CHSY3: variants seen among roughly 807,000 people sequenced by gnomAD.
CHSY3 encodes chondroitin sulfate synthase 3.
A neutral mutation model predicts 67.2 loss-of-function variants in CHSY3; 35 were observed. The ratio of observed to expected loss-of-function variants is 0.52; its 90% CI spans 0.40 to 0.69. CHSY3 has a LOEUF of 0.69. Ranked by LOEUF, CHSY3 falls within the 30% of genes least tolerant of loss-of-function variation. CHSY3 has a pLI of 0.00. For missense variants in CHSY3, 1,069 were observed against 1,138.5 expected (o/e 0.94, Z 0.88); for synonymous variants, 474 against 434.7 (o/e 1.09, Z -1.12).
At chr5:130,174,861 G>A (rs143038973) in intron 2 of CHSY3, among the ~76,000 whole-genome samples, 368 of 152,232 alleles carry the variant, frequency 2.4e-3, no homozygotes, top group Non-Finnish European at 4.4e-3. Flanking sequence ...AAGTTTTAGA[G>A]CCTGGCTCCA....
chr5:130,045,263 A>T (rs551567439), intron 2 of CHSY3, among the ~76,000 whole-genome samples: 1 of 152,276 alleles, frequency 6.6e-6, no homozygotes, highest in East Asian at 1.9e-4. Flanking sequence ...AAGAAAATTT[A>T]AAAAGCACTC....
chr5:130,104,676 G>A (rs184483112), intron 2 of CHSY3, among the ~76,000 whole-genome samples: 47 of 151,750 alleles, frequency 3.1e-4, no homozygotes, highest in Non-Finnish European at 5.3e-4. Context: ...GACAAGTAGC[G>A]TAAGGCCTGT....
chr5:130,097,788 G>C (rs1450332193), intron 2 of CHSY3, among the ~76,000 whole-genome samples: 3 of 152,174 alleles, frequency 2.0e-5, no homozygotes, highest in Non-Finnish European at 4.4e-5. Context: ...CGGATCACAA[G>C]GTCAGGAAAT....
chr5:130,127,169 C>G (rs60127801), intron 2 of CHSY3, among the ~76,000 whole-genome samples: 29,417 of 152,014 alleles, frequency 0.19, 3,583 homozygotes, highest in African/African-American at 0.32. Context: ...CGTAACATGA[C>G]TTAGTGTAGA....
intron 2 of CHSY3, among the ~76,000 whole-genome samples, chr5:129,966,272 A>G (rs1161776140): frequency 6.6e-6 from 1 of 151,882 alleles, no homozygotes; most frequent in Non-Finnish European, 1.5e-5. Flanking sequence ...CTTGTGCATA[A>G]CAGGAACTCA....
At chr5:129,912,721 C>T (rs1418765324) in intron 2 of CHSY3, among the ~76,000 whole-genome samples, 1 of 152,170 alleles carries the variant, frequency 6.6e-6, no homozygotes, top group Non-Finnish European at 1.5e-5. Flanking sequence ...CAGTAGATCA[C>T]AGTTAGGCCT....
intron 2 of CHSY3, among the ~76,000 whole-genome samples, chr5:129,932,900 T>C (rs1293638141): frequency 6.6e-6 from 1 of 152,138 alleles, no homozygotes; most frequent in Non-Finnish European, 1.5e-5. Context: ...TAAAGGAATG[T>C]TGACTGGCCT....
chr5:130,029,903 A>G (rs1016530657), intron 2 of CHSY3, among the ~76,000 whole-genome samples: 17 of 152,206 alleles, frequency 1.1e-4, no homozygotes, highest in Non-Finnish European at 1.6e-4. Flanking sequence ...ATTCAACAAC[A>G]TGTCAAATTG....
chr5:130,153,801 A>G (rs1408981595), intron 2 of CHSY3, among the ~76,000 whole-genome samples: 1 of 151,902 alleles, frequency 6.6e-6, no homozygotes, highest in Non-Finnish European at 1.5e-5. Flanking sequence ...TTCATTGTTC[A>G]TTTAGTTTTT....
In CHSY3 at chr5:130,084,294, T is replaced by A. The variant is rs537422873; in HGVS notation, c.1087-99935T>A. On this transcript the variant is annotated intron_variant, in intron 2 of 2. Coordinates refer to ENST00000305031, the MANE Select transcript of CHSY3 (RefSeq NM_175856.5). ...GCTACTAATAATGCATATTTCAAAA[T>A]AACTAAAACAGAAGATTTTAAATTT... Among the ~76,000 whole-genome samples the A allele has an allele frequency of 5.9e-5, 9 of 152,128 alleles. No homozygotes were observed. In the East Asian group the frequency reaches 1.7e-3, roughly 30 times the overall value.
At chr5:130,129,910 A>C (rs1013804698) in intron 2 of CHSY3, among the ~76,000 whole-genome samples, 2 of 152,182 alleles carry the variant, frequency 1.3e-5, no homozygotes, top group Admixed American at 6.5e-5. Flanking sequence ...TATTCATAAA[A>C]TGTAACATTT....
chr5:130,076,840 C>G (rs1426653866), intron 2 of CHSY3, among the ~76,000 whole-genome samples: 1 of 150,958 alleles, frequency 6.6e-6, no homozygotes, highest in Non-Finnish European at 1.5e-5. Flanking sequence ...AGTAAACTAT[C>G]GCAAGAACAA....
chr5:129,970,460 A>G (rs925742584), intron 2 of CHSY3, among the ~76,000 whole-genome samples: 2 of 151,708 alleles, frequency 1.3e-5, no homozygotes, highest in African/African-American at 4.8e-5. Flanking sequence ...ACAGACAGAA[A>G]GTGCTTTTGA....
At chr5:130,077,896 A>G (rs1766324378) in intron 2 of CHSY3, among the ~76,000 whole-genome samples, 1 of 152,058 alleles carries the variant, frequency 6.6e-6, no homozygotes, top group Admixed American at 6.6e-5. Context: ...TTATATAACA[A>G]ATAGAAATCT....
intron 2 of CHSY3, among the ~76,000 whole-genome samples, chr5:130,110,737 A>G (rs936847226): frequency 1.3e-5 from 2 of 151,934 alleles, no homozygotes; most frequent in Non-Finnish European, 2.9e-5. Context: ...TTTATATTTC[A>G]TTAACTTGGG....
chr5:129,905,135 C>T lies in CHSY3; in HGVS notation c.306C>T (p.Pro102=), dbSNP rs1464885171. The T allele has an allele frequency of 4.6e-6, 7 of 1,533,972 alleles. No individual in the cohort carries two copies. Among genetic ancestry groups the T allele is most frequent in the Non-Finnish European group, 6.1e-6 (7 of 1,146,338 alleles). ...GGATCACCAGTTTTCGAAGCAGCCC[C>T]TGGCAGCAGCCACCTCCGCTGCAGC... ...APGITSFRSS[P]WQQPPPLQQR... Residue 102 remains proline (P), a synonymous_variant, in exon 1 of 3, where the codon CCC becomes CCT. Transcript: ENST00000305031.
intron 2 of CHSY3, among the ~76,000 whole-genome samples, chr5:130,119,620 T>C (rs951531022): frequency 2.0e-5 from 3 of 152,204 alleles, no homozygotes; most frequent in South Asian, 2.1e-4. Context: ...CTTCCCTTCA[T>C]AGAGGTTCAT....
chr5:130,101,578 A>G (rs1767247397), intron 2 of CHSY3, among the ~76,000 whole-genome samples: 1 of 152,086 alleles, frequency 6.6e-6, no homozygotes, highest in Admixed American at 6.6e-5. Context: ...CCTCACATAC[A>G]TTTTTGAGGT....
At position 130,022,452 on chromosome 5, in the gene CHSY3, A is replaced by G. The variant is rs148282670; in HGVS notation, c.1086+114092A>G. Among the ~76,000 whole-genome samples, 713 of 152,146 alleles carry G rather than the reference A, an allele frequency of 4.7e-3. 3 individuals are homozygous for G. Among genetic ancestry groups the G allele is most frequent in the African/African-American group, 0.015 (644 of 41,560 alleles). The stretch of plus-strand genomic sequence containing the variant: ...ATGTGCCTAAAATAGTGAATAGTAA[A>G]TAGTAAATTATATATATGGTTGCAT... On this transcript the variant is annotated intron_variant, in intron 2 of 2. Coordinates refer to ENST00000305031, the MANE Select transcript of CHSY3 (RefSeq NM_175856.5).
Sources: allele counts gnomAD v4.1 joint callset (sites outside exome capture counted in the v4.1 genomes callset), GRCh38; gene constraint gnomAD v4.1.1; transcripts MANE v1.5; gene names NCBI Gene and HGNC (gene_info 2026-07-23, HGNC 2026-07-21).